The following PNPT1 variants were observed in gnomAD, a reference collection of about 807,000 sequenced individuals.
PNPT1 encodes the protein polyribonucleotide nucleotidyltransferase 1, mitochondrial.
PNPT1 carries 53 observed loss-of-function variants against 119.5 expected under a neutral mutation model. The ratio of observed to expected loss-of-function variants is 0.44; its 90% CI spans 0.36 to 0.56. The LOEUF (loss-of-function observed/expected upper bound fraction) is 0.56. Among genes scored for constraint, PNPT1 ranks in the 20% least tolerant of loss-of-function variants. The pLI, the probability that PNPT1 is intolerant of heterozygous loss-of-function variation, is 0.00. For synonymous variants in PNPT1, 357 were observed against 322.1 expected (o/e 1.11, Z -1.16); for missense variants, 948 against 938.5 (o/e 1.01, Z -0.13).
chr2:55,679,616 T>A, intron 8 of PNPT1, 66 bp downstream of exon 8: 1 of 1,178,460 alleles, frequency 8.5e-7, no homozygotes, highest in Non-Finnish European at 1.2e-6. Flanking sequence ...AGAGTTTAAA[T>A]TCAGTTTAAG....
At chr2:55,641,283 ATTTTTTTTTTTT>A (rs10713596) in intron 25 of PNPT1, among the ~76,000 whole-genome samples, 1 of 100,132 alleles carries the variant, frequency 1.0e-5, no homozygotes, top group Non-Finnish European at 2.0e-5. Context: ...TTCCAAAAAC[ATTTTTTTTTTTT>A]TTTTTTTTTG....
In PNPT1 at chr2:55,647,874, G is replaced by A. The variant is rs543325529; in HGVS notation, c.1496-421C>T. On this transcript the variant is annotated intron_variant, in intron 18 of 27. Coordinates refer to ENST00000447944, the MANE Select transcript of PNPT1 (RefSeq NM_033109.5). ...ATTGTTGCCTAAATTGACAATCACC[G>A]AAGCTGAGTTGGAAGTCTTAAGAGG... Among the ~76,000 whole-genome samples, 9 of 152,246 alleles carry A rather than the reference G, an allele frequency of 5.9e-5. No individual in the cohort carries two copies. In the South Asian group the frequency reaches 6.2e-4, roughly 11 times the overall value.
rs2627765 is a variant in PNPT1 at position 55,656,182 on chromosome 2, G to T, written c.1390C>A (p.Arg464=). Residue 464 remains arginine (R), a synonymous_variant, in exon 17 of 28, where the codon CGA becomes AGA. Coordinates refer to ENST00000447944, the MANE Select transcript of PNPT1 (RefSeq NM_033109.5). ...AEKALYPVIP[R]DFPFTIRVTS... ...ACTCTTATGGTGAAAGGAAAATCTC[G>T]GGGAATAACAGGATACAAAGCTTTC... 843,175 of 1,612,156 alleles carry T rather than the reference G, an allele frequency of 0.52. 227,961 individuals carry two copies. Among genetic ancestry groups the T allele is most frequent in the Middle Eastern group, 0.56 (3,367 of 6,028 alleles).
chr2:55,644,600 T>C (rs1454695785), intron 23 of PNPT1, 37 bp downstream of exon 23: 7 of 1,489,122 alleles, frequency 4.7e-6, no homozygotes, highest in Middle Eastern at 1.7e-4. Flanking sequence ...TGGTCTAGCA[T>C]TTAATTAAAA....
chr2:55,676,645 T>C (rs1306371082), intron 8 of PNPT1, among the ~76,000 whole-genome samples: 2 of 152,168 alleles, frequency 1.3e-5, no homozygotes, highest in Non-Finnish European at 2.9e-5. Flanking sequence ...GTGGATCACC[T>C]GAGGTCAGGA....
intron 5 of PNPT1, among the ~76,000 whole-genome samples, 166 bp downstream of exon 5, chr2:55,683,612 CAAAAAAA>C (rs397943177): frequency 1.3e-5 from 1 of 74,170 alleles, no homozygotes; most frequent in Admixed American, 1.6e-4. Context: ...GACTCTGTCT[CAAAAAAA>C]AAAAAAAAAA....
At chr2:55,646,364 T>TG in intron 20 of PNPT1, 42 bp from the exon 21 acceptor site, 1 of 1,598,354 alleles carries the variant, frequency 6.3e-7, no homozygotes, top group Non-Finnish European at 8.6e-7. Flanking sequence ...TATTGACTCA[T>TG]GGCATTATTT....
At chr2:55,658,124 T>C (rs760764787) in intron 15 of PNPT1, among the ~76,000 whole-genome samples, 1 of 151,764 alleles carries the variant, frequency 6.6e-6, no homozygotes, top group Non-Finnish European at 1.5e-5. Flanking sequence ...TCCCAGCTAC[T>C]TGGGGGACTG....
chr2:55,691,054 T>G (rs1443746), intron 1 of PNPT1, among the ~76,000 whole-genome samples: 40,410 of 152,160 alleles, frequency 0.27, 5,577 homozygotes, highest in Admixed American at 0.32. Flanking sequence ...TGTCTACCAA[T>G]GTAAATTCTG....
intron 13 of PNPT1, among the ~76,000 whole-genome samples, chr2:55,665,995 C>T (rs1052661322): frequency 6.6e-6 from 1 of 152,078 alleles, no homozygotes; most frequent in Non-Finnish European, 1.5e-5. Flanking sequence ...ACTGTACAGG[C>T]TAAATGGAGA....
chr2:55,647,254 T>C lies in PNPT1; in HGVS notation c.1602+93A>G, dbSNP rs111451430. The C allele has an allele frequency of 1.4e-4, 145 of 1,024,816 alleles. No homozygotes were observed. In the African/African-American group the frequency reaches 1.5e-3, roughly 11 times the overall value. 63.5% of individuals were successfully genotyped at this position (1,024,816 alleles called of 1,614,324 possible). ...GCATACGCTAGGTGCAAAGTACATA[T>C]AGTCTTCACCATTATTTGTTTTTAT... On this transcript the variant is annotated intron_variant, in intron 19 of 27. Coordinates refer to ENST00000447944, the MANE Select transcript of PNPT1 (RefSeq NM_033109.5).
In PNPT1 at chr2:55,667,855, T is replaced by G. The variant is rs1559101868; in HGVS notation, c.1073+7A>C. 1.3e-6 allele frequency: 2 copies of G among 1,598,078 alleles called. No individual in the cohort carries two copies. Among genetic ancestry groups the G allele is most frequent in the South Asian group, 1.1e-5 (1 of 87,480 alleles). On this transcript the variant is annotated splice_region_variant and intron_variant, in intron 12 of 27. Coordinates refer to ENST00000447944, the MANE Select transcript of PNPT1 (RefSeq NM_033109.5). Reference sequence around the variant, plus strand: ...ACTTCAATTTCAACAAAAAAGGGTATGTTTACCTTTTGTATTCATTCAAAA... The same window carrying G: ...ACTTCAATTTCAACAAAAAAGGGTAGGTTTACCTTTTGTATTCATTCAAAA...
chr2:55,661,882 A>G (rs1696587263), intron 14 of PNPT1, 74 bp downstream of exon 14: 2 of 1,298,414 alleles, frequency 1.5e-6, no homozygotes, highest in Admixed American at 3.4e-5. Context: ...AATAATTAAT[A>G]ATATACCACA....
Position 55,685,008 on chromosome 2 carries a change from G to A in PNPT1, c.338C>T (p.Pro113Leu), listed in dbSNP as rs762143037. 3.8e-6 allele frequency: 6 copies of A among 1,595,118 alleles called. No homozygotes were observed. The South Asian group carries it at 6.7e-5, about 18-fold the overall frequency. The change falls in exon 4 of 28, where the codon CCC becomes CTC. Residue 113 changes from proline (P) to leucine (L), a missense_variant. Transcript: ENST00000447944. Reference protein sequence around the residue: ...RQKAAAAGRIPTNYLRREIGT... With the variant: ...RQKAAAAGRILTNYLRREIGT... Reference sequence around the variant, plus strand: ...AATCTCTCTTCTCAGATAGTTTGTGGGAATTCTACCTGCTGCAGCAGCTTT... The same window carrying A: ...AATCTCTCTTCTCAGATAGTTTGTGAGAATTCTACCTGCTGCAGCAGCTTT...
At chr2:55,655,467 G>T (rs1269806985) in intron 17 of PNPT1, among the ~76,000 whole-genome samples, 1 of 152,140 alleles carries the variant, frequency 6.6e-6, no homozygotes, top group Non-Finnish European at 1.5e-5. Flanking sequence ...TATTCTAATA[G>T]ACTTCCTAGT....
intron 21 of PNPT1, 30 bp from the exon 22 acceptor site, chr2:55,645,462 T>C (rs1319288589): frequency 2.2e-6 from 3 of 1,390,740 alleles, no homozygotes; most frequent in African/African-American, 1.4e-5. Flanking sequence ...AAATTATAAC[T>C]ACATAAAACA....
chr2:55,684,097 A>C (rs944482760), intron 4 of PNPT1, among the ~76,000 whole-genome samples: 4 of 152,246 alleles, frequency 2.6e-5, no homozygotes, highest in Non-Finnish European at 4.4e-5. Flanking sequence ...GGCAACAGTT[A>C]CATATATAAG....
intron 23 of PNPT1, among the ~76,000 whole-genome samples, chr2:55,643,809 G>A (rs1156282978): frequency 6.6e-6 from 1 of 151,950 alleles, no homozygotes; most frequent in Non-Finnish European, 1.5e-5. Context: ...GAATAGGAGG[G>A]ACCTATTAGT....
chr2:55,675,785 C>T (rs1697048528), intron 8 of PNPT1, among the ~76,000 whole-genome samples: 2 of 152,272 alleles, frequency 1.3e-5, no homozygotes, highest in African/African-American at 2.4e-5. Flanking sequence ...CCACATATGG[C>T]TACTTGCATT....
Sources: allele counts gnomAD v4.1 joint callset (sites outside exome capture counted in the v4.1 genomes callset), GRCh38; gene constraint gnomAD v4.1.1; transcripts MANE v1.5; gene names NCBI Gene and HGNC (gene_info 2026-07-23, HGNC 2026-07-21).